The following PREX1 variants were observed in gnomAD, a reference collection of about 807,000 sequenced individuals.
PREX1 encodes the protein phosphatidylinositol-3,4,5-trisphosphate dependent Rac exchange factor 1, also known as phosphatidylinositol 3,4,5-trisphosphate-dependent Rac exchanger 1 protein.
PREX1 carries 41 observed loss-of-function variants against 198.3 expected under a neutral mutation model. The observed-to-expected ratio is 0.21, with a 90% CI of 0.16 to 0.27. The LOEUF is 0.27. Among genes scored for constraint, PREX1 ranks in the 10% least tolerant of loss-of-function variants. PREX1 has a pLI of 1.00. For synonymous variants in PREX1, 843 were observed against 887.2 expected (o/e 0.95, Z 0.89); for missense variants, 1,620 against 2,200.7 (o/e 0.74, Z 5.28).
At chr20:48,727,311 T>C (rs141479212) in intron 4 of PREX1, among the ~76,000 whole-genome samples, 1,697 of 152,224 alleles carry the variant, frequency 0.011, 17 homozygotes, top group Non-Finnish European at 0.017. Flanking sequence ...TGGAATACCG[T>C]TACCCTAACT....
rs1184335703 is a variant in PREX1 at position 48,653,500 on chromosome 20, A to G, written c.2210-3T>C. On this transcript the variant is annotated splice_polypyrimidine_tract_variant and splice_region_variant and intron_variant, in intron 19 of 39. Transcript: ENST00000371941. ...CCCTGCAGCCATGGCCTCAGAGCCT[A>G]AGGGGAACAGGAGCACATGAGGCTG... The G allele has an allele frequency of 6.2e-7, 1 of 1,607,286 alleles. No homozygotes were observed. Among genetic ancestry groups the G allele is most frequent in the Non-Finnish European group, 8.5e-7 (1 of 1,175,784 alleles).
intron 7 of PREX1, among the ~76,000 whole-genome samples, chr20:48,696,036 A>C (rs2089843538): frequency 1.3e-5 from 2 of 152,328 alleles, no homozygotes; most frequent in South Asian, 2.1e-4. Flanking sequence ...AACTGTAAAG[A>C]CCTTTTCACA....
chr20:48,796,119 T>C (rs1206255294), intron 1 of PREX1, among the ~76,000 whole-genome samples: 7 of 152,194 alleles, frequency 4.6e-5, no homozygotes, highest in African/African-American at 1.7e-4. Context: ...CATTTGTATT[T>C]GTCATGTTAT....
intron 31 of PREX1, 53 bp downstream of exon 31, chr20:48,637,658 G>C: frequency 6.6e-7 from 1 of 1,525,488 alleles, no homozygotes; most frequent in Non-Finnish European, 8.9e-7. Flanking sequence ...GGTCGGCCTT[G>C]GGTGGTGGAA....
the PREX1 span, among the ~76,000 whole-genome samples, chr20:48,886,237 C>T: frequency 2.0e-5 from 3 of 152,186 alleles, no homozygotes; most frequent in Non-Finnish European, 4.4e-5. Flanking sequence ...CTTAAAACTG[C>T]TCTTAAAAGT....
chr20:48,655,228 G>A (rs2089532836), intron 19 of PREX1, 62 bp downstream of exon 19: 1 of 1,430,218 alleles, frequency 7.0e-7, no homozygotes, highest in Non-Finnish European at 9.6e-7. Flanking sequence ...CTGAACTCCT[G>A]CCACACAGAC....
At chr20:48,647,519 C>CAAAAAAAAA (rs765244255) in intron 25 of PREX1, among the ~76,000 whole-genome samples, 3 of 49,630 alleles carry the variant, frequency 6.0e-5, no homozygotes, top group Admixed American at 2.3e-4. Flanking sequence ...GACAACATCT[C>CAAAAAAAAA]AAAAAAAAAA....
At chr20:48,729,118 C>T (rs936928304) in intron 4 of PREX1, among the ~76,000 whole-genome samples, 4 of 151,926 alleles carry the variant, frequency 2.6e-5, no homozygotes, top group African/African-American at 7.3e-5. Flanking sequence ...CATTCTGTCG[C>T]CCAGGCTGGA....
At chr20:48,651,607 C>G (rs774080752) in intron 21 of PREX1, 24 bp from the exon 22 acceptor site, 27 of 1,605,738 alleles carry the variant, frequency 1.7e-5, no homozygotes, top group South Asian at 6.7e-5. Flanking sequence ...GAGGTGACAT[C>G]TGAGCAGAGA....
At chr20:48,660,265 A>C (rs946050894) in intron 15 of PREX1, among the ~76,000 whole-genome samples, 8 of 152,250 alleles carry the variant, frequency 5.3e-5, no homozygotes, top group Non-Finnish European at 4.4e-5. Context: ...TTCTCTTGAA[A>C]AGTCTGAACT....
At chr20:48,853,540 G>T in the PREX1 span, among the ~76,000 whole-genome samples, 1 of 152,148 alleles carries the variant, frequency 6.6e-6, no homozygotes, top group African/African-American at 2.4e-5. Context: ...CCTCCACCTG[G>T]TCCTGCCCTT....
chr20:48,745,654 C>T lies in PREX1; in HGVS notation c.292-507G>A, dbSNP rs566914447. On this transcript the variant is annotated intron_variant, in intron 2 of 39. Transcript: ENST00000371941. Reference sequence around the variant, plus strand: ...AATAAGGAAGGAGGTTAGAAATACGCTGTCTAAACTCTCACAAACAATATA... The same window carrying T: ...AATAAGGAAGGAGGTTAGAAATACGTTGTCTAAACTCTCACAAACAATATA... 2.6e-5 allele frequency among the ~76,000 whole-genome samples: 4 copies of T among 152,330 alleles called. No homozygotes were observed. In the South Asian group the frequency reaches 8.3e-4, roughly 32 times the overall value.
Position 48,734,573 on chromosome 20 carries a change from C to A in PREX1, c.492G>T (p.Lys164Asn). The A allele has an allele frequency of 6.2e-7, 1 of 1,614,110 alleles. No individual in the cohort carries two copies. Among genetic ancestry groups the A allele is most frequent in the Non-Finnish European group, 8.5e-7 (1 of 1,179,964 alleles). Residue 164 changes from lysine to asparagine, a missense_variant, in exon 4 of 40, where the codon AAG becomes AAT. This residue lies in a region of PREX1 where 488 missense variants were observed against 802.5 expected (regional missense o/e 0.61). Coordinates refer to ENST00000371941, the MANE Select transcript of PREX1 (RefSeq NM_020820.4). The part of the protein sequence containing the change: ...KALRLLVELN[K>N]IPTVRAFLLS... ...AAAGGAAGGCGCGCACGGTAGGGATCTTGTTCAGCTCCACCAGCAGCCTCA... is the reference window on the plus strand; with the variant it reads ...AAAGGAAGGCGCGCACGGTAGGGATATTGTTCAGCTCCACCAGCAGCCTCA...
chr20:48,679,858 C>T (rs2089737418), intron 11 of PREX1, 104 bp from the exon 12 acceptor site: 1 of 844,442 alleles, frequency 1.2e-6, no homozygotes, highest in Non-Finnish European at 2.0e-6. Context: ...CCCTCTGCCC[C>T]TCCCAGTCAC....
chr20:48,761,092 C>T (rs373470253), intron 1 of PREX1, among the ~76,000 whole-genome samples: 6 of 152,160 alleles, frequency 3.9e-5, no homozygotes, highest in South Asian at 2.1e-4. Flanking sequence ...CAGAGAAAGC[C>T]GTTCTGAGAA....
chr20:48,717,990 C>T (rs1224895808), intron 5 of PREX1, among the ~76,000 whole-genome samples: 2 of 152,238 alleles, frequency 1.3e-5, no homozygotes, highest in Non-Finnish European at 2.9e-5. Flanking sequence ...GCGTTTCCAC[C>T]TTACAGTAAC....
chr20:48,683,153 C>T (rs995874271), intron 10 of PREX1, among the ~76,000 whole-genome samples: 1 of 152,218 alleles, frequency 6.6e-6, no homozygotes, highest in African/African-American at 2.4e-5. Context: ...CTGCCAGCAG[C>T]TGAAGGAGGG....
intron 26 of PREX1, among the ~76,000 whole-genome samples, 176 bp downstream of exon 26, chr20:48,645,675 G>T (rs935369664): frequency 6.6e-6 from 1 of 152,142 alleles, no homozygotes; most frequent in Admixed American, 6.5e-5. Flanking sequence ...GCCTAAGTGG[G>T]TCTTCCAGGC....
In PREX1 at chr20:48,692,659, G is replaced by C; in HGVS notation, c.1036+13C>G. 1 of 1,606,582 alleles carries C rather than the reference G, an allele frequency of 6.2e-7. No individual in the cohort carries two copies. The highest frequency in any genetic ancestry group is 8.5e-7 in the Non-Finnish European group (1 of 1,173,196). The stretch of plus-strand genomic sequence containing the variant: ...CTCAGGCAGGGCTCAGGCAAGGCTG[G>C]GGGAGGGGCTACCTGTCCCATCTTC... On this transcript the variant is annotated intron_variant, in intron 8 of 39. Coordinates refer to ENST00000371941, the MANE Select transcript of PREX1 (RefSeq NM_020820.4).
Sources: gnomAD v4.1 joint callset for allele counts (sites outside exome capture counted in the v4.1 genomes callset) on GRCh38, gnomAD v4.1.1 for gene constraint, gnomAD v4.1.1 regional missense constraint, MANE v1.5 for transcripts, NCBI Gene and HGNC (gene_info 2026-07-23, HGNC 2026-07-21) for gene names.